SGCD: variants seen among roughly 807,000 people sequenced by gnomAD.
SGCD encodes the protein delta-sarcoglycan.
In SGCD, 18 loss-of-function variants were observed where a neutral mutation model predicts 36.6. The observed-to-expected ratio is 0.49, with a 90% CI of 0.34 to 0.73. SGCD has a LOEUF of 0.73. SGCD is among the 30% of genes least tolerant of loss of function. The pLI is 0.01. For missense variants in SGCD, 387 were observed against 346.7 expected, an observed-to-expected ratio of 1.12 and a Z score of -0.92; for synonymous variants, 133 against 130.6, an observed-to-expected ratio of 1.02 and a Z score of -0.12.
chr5:156,010,444 T>C (rs1758836120), intron 1 of SGCD, among the ~76,000 whole-genome samples: 1 of 152,194 alleles, frequency 6.6e-6, no homozygotes, highest in South Asian at 2.1e-4. Context: ...ATCCAATTAA[T>C]ACATACATTA....
At chr5:156,591,924 C>T (rs1340878613) in intron 5 of SGCD, among the ~76,000 whole-genome samples, 2 of 152,110 alleles carry the variant, frequency 1.3e-5, no homozygotes, top group East Asian at 1.9e-4. Flanking sequence ...GGGGTTTTGG[C>T]TAAAACTACC....
At chr5:156,002,531 C>A (rs1456637428) in intron 1 of SGCD, among the ~76,000 whole-genome samples, 1 of 152,218 alleles carries the variant, frequency 6.6e-6, no homozygotes, top group Non-Finnish European at 1.5e-5. Flanking sequence ...TACATTCAGT[C>A]CCTGTCTGTG....
At chr5:156,510,447 A>C (rs79143897) in intron 4 of SGCD, among the ~76,000 whole-genome samples, 2,494 of 152,302 alleles carry the variant, frequency 0.016, 63 homozygotes, top group African/African-American at 0.052. Context: ...CAATTTGGTT[A>C]GTTGTCATTG....
the SGCD span, among the ~76,000 whole-genome samples, chr5:155,787,667 C>T: frequency 4.6e-5 from 7 of 152,088 alleles, no homozygotes; most frequent in Admixed American, 1.3e-4. Flanking sequence ...TCTGTTGTAA[C>T]GGATGGAGCA....
intron 7 of SGCD, among the ~76,000 whole-genome samples, chr5:156,653,149 G>A (rs1353835919): frequency 7.9e-5 from 12 of 152,032 alleles, no homozygotes; most frequent in Admixed American, 5.2e-4. Flanking sequence ...CGGTTTTTTG[G>A]AATAATTTCA....
intron 1 of SGCD, among the ~76,000 whole-genome samples, chr5:156,049,238 C>T (rs1176778445): frequency 6.9e-6 from 1 of 144,978 alleles, no homozygotes. Context: ...GCTTGTAGTA[C>T]AGTTTGAAGT....
intron 1 of SGCD, among the ~76,000 whole-genome samples, chr5:155,904,513 C>T (rs950612736): frequency 3.3e-5 from 5 of 151,938 alleles, no homozygotes; most frequent in East Asian, 1.9e-4. Context: ...TTAATTTGTT[C>T]GTATGTTTTA....
chr5:156,468,762 T>C (rs1253706716), intron 3 of SGCD, among the ~76,000 whole-genome samples: 1 of 152,140 alleles, frequency 6.6e-6, no homozygotes, highest in Non-Finnish European at 1.5e-5. Context: ...GAGGCCAAGA[T>C]GGGTGGATCA....
intron 1 of SGCD, among the ~76,000 whole-genome samples, chr5:155,901,627 C>A (rs1289482600): frequency 1.3e-5 from 2 of 151,876 alleles, no homozygotes; most frequent in Non-Finnish European, 2.9e-5. Context: ...TATAAAGACA[C>A]GTGGTAAGAA....
chr5:156,096,057 G>A lies in SGCD; in HGVS notation c.-281-21821G>A, dbSNP rs367917007. 5.3e-5 allele frequency among the ~76,000 whole-genome samples: 8 copies of A among 152,352 alleles called. No homozygotes were observed. In the East Asian group the frequency reaches 1.4e-3, roughly 26 times the overall value. On this transcript the variant is annotated intron_variant, in intron 1 of 9. Coordinates refer to the SGCD transcript ENST00000517913. ...AAGGCAGCCAGTGCCATGGCAGGAAGAGAAGGGACATTGCCCAAGACAAGA... is the reference window on the plus strand; with the variant it reads ...AAGGCAGCCAGTGCCATGGCAGGAAAAGAAGGGACATTGCCCAAGACAAGA...
intron 3 of SGCD, among the ~76,000 whole-genome samples, chr5:156,257,485 A>G (rs912778578): frequency 5.9e-5 from 9 of 152,110 alleles, no homozygotes; most frequent in African/African-American, 1.9e-4. Flanking sequence ...AAATAAATAA[A>G]TAAATAAAAA....
the SGCD span, among the ~76,000 whole-genome samples, chr5:155,855,441 G>A: frequency 2.6e-5 from 4 of 151,922 alleles, no homozygotes; most frequent in Admixed American, 6.6e-5. Context: ...TTCCTGAATC[G>A]CTTCCCAAAT....
At chr5:156,321,951 TAACC>T (rs962250202), upstream of SGCD, among the ~76,000 whole-genome samples, 9 of 152,210 alleles carry the variant, frequency 5.9e-5, no homozygotes, top group African/African-American at 2.2e-4. Context: ...CCATCTGCTG[TAACC>T]ATAAGGGTCC....
At chr5:156,757,288 AAAG>A (rs1407289466) in intron 7 of SGCD, among the ~76,000 whole-genome samples, 16 of 148,146 alleles carry the variant, frequency 1.1e-4, no homozygotes, top group Admixed American at 2.0e-4. Flanking sequence ...AAAAAAAAAA[AAAG>A]CTTATATGAG....
At chr5:156,545,686 C>T (rs1285339303) in intron 4 of SGCD, among the ~76,000 whole-genome samples, 1 of 152,158 alleles carries the variant, frequency 6.6e-6, no homozygotes, top group Non-Finnish European at 1.5e-5. Flanking sequence ...TCGCCTGCCA[C>T]TCACCTCCTG....
the SGCD span, among the ~76,000 whole-genome samples, chr5:155,732,350 C>G: frequency 1.3e-5 from 2 of 152,164 alleles, no homozygotes; most frequent in South Asian, 4.2e-4. Flanking sequence ...AAATTTGAGT[C>G]CAGGCGTGGT....
At chr5:156,018,739 C>T (rs530294603) in intron 1 of SGCD, among the ~76,000 whole-genome samples, 26 of 152,268 alleles carry the variant, frequency 1.7e-4, no homozygotes, top group Admixed American at 4.6e-4. Context: ...CTAAAATGTG[C>T]GTAATTTTGT....
intron 1 of SGCD, among the ~76,000 whole-genome samples, chr5:155,905,549 C>T (rs1756487624): frequency 6.6e-6 from 1 of 152,046 alleles, no homozygotes; most frequent in Non-Finnish European, 1.5e-5. Context: ...TGAAGTCTGA[C>T]CATTGCATTA....
At chr5:156,743,131 G>A (rs1385319435) in intron 7 of SGCD, among the ~76,000 whole-genome samples, 2 of 99,138 alleles carry the variant, frequency 2.0e-5, no homozygotes, top group Non-Finnish European at 3.9e-5. Context: ...TTTTTTTTGA[G>A]ATGAAGTTTT....
Sources: gnomAD v4.1 joint callset for allele counts (sites outside exome capture counted in the v4.1 genomes callset) on GRCh38, gnomAD v4.1.1 for gene constraint, MANE v1.5 for transcripts, NCBI Gene and HGNC (gene_info 2026-07-23, HGNC 2026-07-21) for gene names.